PTPRD: variants seen among roughly 807,000 people sequenced by gnomAD.
The protein encoded by PTPRD is protein tyrosine phosphatase receptor type D.
Under a neutral mutation model 214.5 loss-of-function variants are expected in PTPRD, and 34 were observed. That is an observed-to-expected ratio of 0.16 (90% confidence interval 0.12 to 0.21). PTPRD has a LOEUF of 0.21. PTPRD is among the 10% of genes least tolerant of loss of function. The pLI is 1.00. For synonymous variants in PTPRD, 1,128 were observed against 845.7 expected (o/e 1.33, Z -5.79); for missense variants, 2,545 against 2,398.7 (o/e 1.06, Z -1.27).
At chr9:9,233,818 G>A (rs371744294) in intron 9 of PTPRD, among the ~76,000 whole-genome samples, 8 of 152,182 alleles carry the variant, frequency 5.3e-5, no homozygotes, top group African/African-American at 1.7e-4. Context: ...GATGCATGAC[G>A]TGGGCTCCCA....
intron 10 of PTPRD, among the ~76,000 whole-genome samples, chr9:9,069,604 G>A (rs1257662783): frequency 6.6e-6 from 1 of 152,198 alleles, no homozygotes; most frequent in Non-Finnish European, 1.5e-5. Flanking sequence ...CTTCAAGCCA[G>A]CAAAGTTATA....
chr9:9,240,290 G>T (rs995075319), intron 9 of PTPRD, among the ~76,000 whole-genome samples: 1 of 152,112 alleles, frequency 6.6e-6, no homozygotes, highest in African/African-American at 2.4e-5. Flanking sequence ...TTAATTACTA[G>T]TCATTGGTTT....
At chr9:10,561,701 C>T (rs2064016950) in intron 2 of PTPRD, among the ~76,000 whole-genome samples, 1 of 152,126 alleles carries the variant, frequency 6.6e-6, no homozygotes, top group Non-Finnish European at 1.5e-5. Flanking sequence ...TTTCTATCCT[C>T]AGAAGGTTTC....
chr9:9,790,549 C>A (rs1474791027), intron 5 of PTPRD, among the ~76,000 whole-genome samples: 7 of 152,150 alleles, frequency 4.6e-5, no homozygotes, highest in Non-Finnish European at 1.0e-4. Context: ...ATTAAACAAT[C>A]TCATTTATAG....
At chr9:10,311,619 T>C (rs1223778037) in intron 3 of PTPRD, among the ~76,000 whole-genome samples, 2 of 152,054 alleles carry the variant, frequency 1.3e-5, no homozygotes, top group South Asian at 2.1e-4. Flanking sequence ...CACCAAGCTG[T>C]TGTGAGAACC....
chr9:10,007,850 T>C (rs890732253), intron 4 of PTPRD, among the ~76,000 whole-genome samples: 1 of 152,040 alleles, frequency 6.6e-6, no homozygotes, highest in Non-Finnish European at 1.5e-5. Context: ...AAATTTTATT[T>C]ATCAGCCAAT....
intron 5 of PTPRD, among the ~76,000 whole-genome samples, chr9:9,871,342 T>C (rs2065361224): frequency 6.6e-6 from 1 of 152,162 alleles, no homozygotes. Flanking sequence ...TGACACAAAA[T>C]CCTTCTGAGA....
chr9:9,220,439 A>C (rs557264923), intron 9 of PTPRD, among the ~76,000 whole-genome samples: 2 of 152,106 alleles, frequency 1.3e-5, no homozygotes, highest in South Asian at 4.2e-4. Flanking sequence ...AAGTTAGCCC[A>C]AACATATTTG....
At chr9:9,030,950 C>T (rs1415510374) in intron 10 of PTPRD, among the ~76,000 whole-genome samples, 1 of 151,834 alleles carries the variant, frequency 6.6e-6, no homozygotes. Context: ...ATTCATCTCT[C>T]AGTGGAATGA....
At chr9:9,193,313 T>C (rs1339764235) in intron 9 of PTPRD, among the ~76,000 whole-genome samples, 2 of 152,136 alleles carry the variant, frequency 1.3e-5, no homozygotes, top group African/African-American at 4.8e-5. Context: ...AAAAGCTGCA[T>C]GTGAACATGA....
intron 2 of PTPRD, among the ~76,000 whole-genome samples, chr9:10,367,949 T>G (rs1046818892): frequency 6.6e-6 from 1 of 152,118 alleles, no homozygotes; most frequent in Non-Finnish European, 1.5e-5. Flanking sequence ...ACATTGTTGG[T>G]GATCAATGAG....
chr9:10,412,264 A>T (rs1021636046), intron 2 of PTPRD, among the ~76,000 whole-genome samples: 5 of 151,806 alleles, frequency 3.3e-5, no homozygotes, highest in African/African-American at 1.2e-4. Flanking sequence ...TAAAAATAAC[A>T]ATTAGAAACT....
chr9:10,436,592 C>A (rs2154522127), intron 2 of PTPRD, among the ~76,000 whole-genome samples: 1 of 151,724 alleles, frequency 6.6e-6, no homozygotes, highest in Non-Finnish European at 1.5e-5. Context: ...CTTTTCCTTA[C>A]ACACACACAT....
At chr9:9,736,741 C>T (rs759022394) in intron 6 of PTPRD, among the ~76,000 whole-genome samples, 1 of 151,940 alleles carries the variant, frequency 6.6e-6, no homozygotes, top group African/African-American at 2.4e-5. Context: ...GTGTATTCAT[C>T]TGAGAAGGTT....
At chr9:8,833,381 T>C (rs918873167) in intron 11 of PTPRD, among the ~76,000 whole-genome samples, 1 of 152,072 alleles carries the variant, frequency 6.6e-6, no homozygotes, top group Admixed American at 6.6e-5. Context: ...TGAGAAAGAA[T>C]AGAGTCCAGT....
chr9:8,600,626 C>G (rs1313243467), intron 14 of PTPRD, among the ~76,000 whole-genome samples: 1 of 151,780 alleles, frequency 6.6e-6, no homozygotes, highest in Non-Finnish European at 1.5e-5. Context: ...ATTATAGGCC[C>G]CAGGTCCCTG....
Position 8,349,868 on chromosome 9 carries a change from T to A in PTPRD, c.4662-7890A>T, listed in dbSNP as rs79104513. The stretch of plus-strand genomic sequence containing the variant: ...AGGACAACTATTCCACTAATGAGAA[T>A]CAGAACACAAACTCTATATTTGTTT... On this transcript the variant is annotated intron_variant, in intron 39 of 45. Coordinates refer to ENST00000381196, the MANE Select transcript of PTPRD (RefSeq NM_002839.4). Among the ~76,000 whole-genome samples, 860 of 151,834 alleles carry A rather than the reference T, an allele frequency of 5.7e-3. 11 individuals are homozygous for A. The highest frequency in any genetic ancestry group is 0.02 in the African/African-American group (808 of 41,432).
At chr9:9,328,032 G>A (rs551166485) in intron 9 of PTPRD, among the ~76,000 whole-genome samples, 10 of 152,252 alleles carry the variant, frequency 6.6e-5, no homozygotes, top group South Asian at 2.1e-4. Flanking sequence ...CAAGCTTGAT[G>A]TACATAGTTT....
At chr9:9,819,231 G>A (rs747379910) in intron 5 of PTPRD, among the ~76,000 whole-genome samples, 5 of 152,126 alleles carry the variant, frequency 3.3e-5, no homozygotes, top group Admixed American at 2.6e-4. Context: ...CATTGATGTT[G>A]AGTTTGGCTG....
Sources: allele counts gnomAD v4.1 joint callset (sites outside exome capture counted in the v4.1 genomes callset), GRCh38; gene constraint gnomAD v4.1.1; transcripts MANE v1.5; gene names NCBI Gene and HGNC (gene_info 2026-07-23, HGNC 2026-07-21).